Variants in RBMS3 observed in about 807,000 individuals in gnomAD.
RBMS3 encodes RNA binding motif single stranded interacting protein 3.
RBMS3 carries 27 observed loss-of-function variants against 66.8 expected under a neutral mutation model. That is an observed-to-expected ratio of 0.40 (90% CI 0.30 to 0.56). The LOEUF is 0.56. Ranked by LOEUF, RBMS3 falls within the 20% of genes least tolerant of loss-of-function variation. RBMS3 has a pLI of 0.40. For synonymous variants in RBMS3, 188 were observed against 183.0 expected (o/e 1.03, Z -0.22); for missense variants, 513 against 549.5 (o/e 0.93, Z 0.66).
chr3:29,466,544 A>G (rs1319815396), intron 2 of RBMS3, among the ~76,000 whole-genome samples: 1 of 152,196 alleles, frequency 6.6e-6, no homozygotes, highest in Admixed American at 6.5e-5. Context: ...ATCTGAAAAC[A>G]TGAACAAACA....
At chr3:29,713,612 C>T (rs1032282727) in intron 4 of RBMS3, among the ~76,000 whole-genome samples, 1 of 152,162 alleles carries the variant, frequency 6.6e-6, no homozygotes, top group East Asian at 1.9e-4. Flanking sequence ...TGCCTCTCCA[C>T]ATTCTCTTCA....
At chr3:29,953,288 G>A (rs1016503261) in intron 12 of RBMS3, among the ~76,000 whole-genome samples, 7 of 151,880 alleles carry the variant, frequency 4.6e-5, no homozygotes, top group South Asian at 4.1e-4. Flanking sequence ...AGATGCAGCC[G>A]TCATTAATGT....
chr3:29,759,241 T>C (rs1181648057), intron 5 of RBMS3, among the ~76,000 whole-genome samples: 1 of 152,012 alleles, frequency 6.6e-6, no homozygotes, highest in Non-Finnish European at 1.5e-5. Context: ...AGCACAATTC[T>C]GTGGTGTGTT....
chr3:29,896,000 C>T (rs953479066), intron 8 of RBMS3, among the ~76,000 whole-genome samples: 3 of 151,028 alleles, frequency 2.0e-5, no homozygotes, highest in Admixed American at 2.0e-4. Context: ...ATTTAAGGGT[C>T]TGGTGAGTAT....
intron 6 of RBMS3, among the ~76,000 whole-genome samples, chr3:29,853,124 C>A (rs1481183994): frequency 6.6e-6 from 1 of 152,048 alleles, no homozygotes; most frequent in South Asian, 2.1e-4. Flanking sequence ...CACATGGACA[C>A]ATAGAGAGGA....
At chr3:29,649,459 G>A (rs1014346279) in intron 4 of RBMS3, among the ~76,000 whole-genome samples, 3 of 152,172 alleles carry the variant, frequency 2.0e-5, no homozygotes, top group African/African-American at 7.2e-5. Context: ...CACTAACAAG[G>A]CAAGCTAACT....
chr3:29,451,003 A>C (rs570532728), intron 2 of RBMS3, among the ~76,000 whole-genome samples: 1 of 152,036 alleles, frequency 6.6e-6, no homozygotes, highest in Non-Finnish European at 1.5e-5. Context: ...ATTTCCTCAA[A>C]GGTAGGCACG....
chr3:29,645,642 T>C (rs1369986428), intron 4 of RBMS3, among the ~76,000 whole-genome samples: 2 of 152,200 alleles, frequency 1.3e-5, no homozygotes, highest in Non-Finnish European at 2.9e-5. Context: ...TCATTTTTAA[T>C]TTGGTTTTTC....
At chr3:29,779,997 T>C (rs1024219129) in intron 6 of RBMS3, among the ~76,000 whole-genome samples, 15 of 151,486 alleles carry the variant, frequency 9.9e-5, no homozygotes, top group African/African-American at 3.4e-4. Context: ...AAAGGAGGGA[T>C]TGATAAACCC....
intron 8 of RBMS3, among the ~76,000 whole-genome samples, chr3:29,885,510 G>A (rs1193870252): frequency 6.6e-6 from 1 of 151,828 alleles, no homozygotes; most frequent in Non-Finnish European, 1.5e-5. Flanking sequence ...ACTGAAAATA[G>A]ATGTTATAAT....
At chr3:29,331,287 G>A (rs2035639029) in intron 1 of RBMS3, among the ~76,000 whole-genome samples, 1 of 152,064 alleles carries the variant, frequency 6.6e-6, no homozygotes, top group Non-Finnish European at 1.5e-5. Flanking sequence ...GACTGCCTTA[G>A]GACAGCTGGA....
At position 29,867,938 on chromosome 3, in the gene RBMS3, T is replaced by C. The variant is rs780593943; in HGVS notation, c.638-920T>C. On this transcript the variant is annotated intron_variant, in intron 6 of 14. Coordinates refer to ENST00000383767, the MANE Select transcript of RBMS3 (RefSeq NM_001003793.3). ...ACTAAGAAATTAACCTTCCCAGCCA[T>C]ATTAATGTATTAAAAAAGTTTGTCA... Among the ~76,000 whole-genome samples the C allele has an allele frequency of 3.3e-5, 5 of 152,248 alleles. No homozygotes were observed. In the East Asian group the frequency reaches 5.8e-4, roughly 18 times the overall value.
chr3:29,960,234 C>A (rs1036191942), intron 12 of RBMS3, among the ~76,000 whole-genome samples: 1 of 152,160 alleles, frequency 6.6e-6, no homozygotes, highest in African/African-American at 2.4e-5. Context: ...ACTACAGACC[C>A]CATGAAAGTT....
chr3:29,889,785 T>C (rs778434955), intron 8 of RBMS3, among the ~76,000 whole-genome samples: 1 of 151,638 alleles, frequency 6.6e-6, no homozygotes, highest in Non-Finnish European at 1.5e-5. Context: ...TTTAACCCAG[T>C]ATTGTGAATG....
At chr3:30,002,400 CACAT>C (rs1699651718) in intron 14 of RBMS3, among the ~76,000 whole-genome samples, 1 of 151,892 alleles carries the variant, frequency 6.6e-6, no homozygotes, top group Non-Finnish European at 1.5e-5. Flanking sequence ...AACACACACA[CACAT>C]ACACACACAA....
At chr3:29,897,161 A>C (rs1428126339) in intron 8 of RBMS3, among the ~76,000 whole-genome samples, 1 of 151,714 alleles carries the variant, frequency 6.6e-6, no homozygotes, top group Middle Eastern at 3.4e-3. Flanking sequence ...GATTTTGTGC[A>C]GCTAATTTTA....
At chr3:29,788,067 G>A (rs1186454949) in intron 6 of RBMS3, among the ~76,000 whole-genome samples, 1 of 151,968 alleles carries the variant, frequency 6.6e-6, no homozygotes, top group African/African-American at 2.4e-5. Context: ...AAAAGCTATT[G>A]TCAACATTCC....
intron 6 of RBMS3, among the ~76,000 whole-genome samples, chr3:29,772,344 C>T (rs115728474): frequency 0.012 from 1,873 of 152,130 alleles, 22 homozygotes; most frequent in Non-Finnish European, 0.021. Context: ...AGCTAATATA[C>T]TAGTATAGAA....
chr3:29,544,405 T>G (rs2045872919), intron 3 of RBMS3, among the ~76,000 whole-genome samples: 2 of 152,096 alleles, frequency 1.3e-5, no homozygotes, highest in Non-Finnish European at 2.9e-5. Flanking sequence ...TTTTAGGAGA[T>G]GTCAACCCAA....
Sources: allele counts gnomAD v4.1 joint callset (sites outside exome capture counted in the v4.1 genomes callset), GRCh38; gene constraint gnomAD v4.1.1; transcripts MANE v1.5; gene names NCBI Gene and HGNC (gene_info 2026-07-23, HGNC 2026-07-21).